TRDN: variants seen among roughly 807,000 people sequenced by gnomAD.
The protein encoded by TRDN is triadin.
Under a neutral mutation model 149.7 loss-of-function variants are expected in TRDN, and 161 were observed. The ratio of observed to expected loss-of-function variants is 1.08; its 90% CI spans 0.95 to 1.23. TRDN has a LOEUF of 1.23. Among genes scored for constraint, TRDN ranks in the 50% most tolerant of loss-of-function variants. The pLI is 0.00. For missense variants in TRDN, 896 were observed against 823.5 expected (o/e 1.09, Z -1.08); for synonymous variants, 294 against 250.5 (o/e 1.17, Z -1.64).
chr6:123,542,884 G>GTGTGTCTGTCTGTC (rs1554255643), intron 4 of TRDN, among the ~76,000 whole-genome samples: 1 of 148,878 alleles, frequency 6.7e-6, no homozygotes, highest in African/African-American at 2.6e-5. Context: ...GTGTGTGTGT[G>GTGTGTCTGTCTGTC]TGTCTGTCTG....
intron 14 of TRDN, among the ~76,000 whole-genome samples, chr6:123,386,678 C>T (rs778793866): frequency 7.2e-5 from 11 of 152,302 alleles, no homozygotes; most frequent in Admixed American, 5.9e-4. Context: ...CTCCTGATTC[C>T]GCCTAAAGCT....
At chr6:123,618,115 A>G (rs1230138229) in intron 1 of TRDN, among the ~76,000 whole-genome samples, 1 of 152,172 alleles carries the variant, frequency 6.6e-6, no homozygotes, top group African/African-American at 2.4e-5. Flanking sequence ...TGAGTAAGAG[A>G]GAGTTATAGT....
chr6:123,254,312 G>T (rs555392873), intron 37 of TRDN, among the ~76,000 whole-genome samples: 1 of 151,790 alleles, frequency 6.6e-6, no homozygotes, highest in Non-Finnish European at 1.5e-5. Context: ...ATAATTTTAC[G>T]TGTGAAAGGT....
intron 7 of TRDN, among the ~76,000 whole-genome samples, chr6:123,505,768 C>T (rs1404941325): frequency 1.3e-5 from 2 of 150,980 alleles, no homozygotes; most frequent in Non-Finnish European, 2.9e-5. Context: ...GGCACGATCT[C>T]GGCTCACTGC....
chr6:123,545,136 A>G (rs1210793098), intron 4 of TRDN, among the ~76,000 whole-genome samples: 2 of 152,026 alleles, frequency 1.3e-5, no homozygotes, highest in Non-Finnish European at 2.9e-5. Flanking sequence ...ACTAAATATT[A>G]TTGAATATAT....
Position 123,570,964 on chromosome 6 carries a change from G to A in TRDN, c.191C>T (p.Ala64Val). The part of the protein sequence containing the change: ...IALIITWSAV[A>V]IVMFDLVDYK... ...ATCCACTAAATCAAACATAACGATG[G>A]CAACAGCTGACCACGTGATTATCAG... The change falls in exon 2 of 41, where the codon GCC (alanine) becomes GTC (valine). Residue 64 changes from alanine to valine, a missense_variant. By Grantham distance (64) the Ala-to-Val change is moderately conservative. Transcript: ENST00000334268. 2 of 1,613,920 alleles carry A rather than the reference G, an allele frequency of 1.2e-6. No individual in the cohort carries two copies. Among genetic ancestry groups the A allele is most frequent in the South Asian group, 2.2e-5 (2 of 91,080 alleles).
At chr6:123,543,251 T>C (rs1780941164) in intron 4 of TRDN, among the ~76,000 whole-genome samples, 1 of 152,178 alleles carries the variant, frequency 6.6e-6, no homozygotes, top group South Asian at 2.1e-4. Flanking sequence ...CAATACCACA[T>C]CAAAACTCCA....
chr6:123,467,859 T>C (rs568073030), intron 9 of TRDN, among the ~76,000 whole-genome samples: 1 of 152,258 alleles, frequency 6.6e-6, no homozygotes, highest in East Asian at 1.9e-4. Flanking sequence ...ATCAGAGTTG[T>C]TTAGTATAAA....
At chr6:123,406,298 C>T (rs1256682609) in intron 12 of TRDN, among the ~76,000 whole-genome samples, 1 of 152,124 alleles carries the variant, frequency 6.6e-6, no homozygotes, top group Non-Finnish European at 1.5e-5. Flanking sequence ...TCACTCTACA[C>T]TATTATTTGA....
At chr6:123,274,337 A>C (rs1479639803) in intron 27 of TRDN, among the ~76,000 whole-genome samples, 1 of 152,140 alleles carries the variant, frequency 6.6e-6, no homozygotes, top group Non-Finnish European at 1.5e-5. Context: ...AATTATGAAA[A>C]TAAAGCCATA....
intron 21 of TRDN, chr6:123,349,529 A>G: frequency 1.1e-6 from 1 of 894,510 alleles, no homozygotes; most frequent in South Asian, 5.2e-5. Flanking sequence ...GACTTAGTCA[A>G]CATATGCAAA....
chr6:123,267,611 A>G, intron 32 of TRDN, 96 bp downstream of exon 32: 3 of 804,584 alleles, frequency 3.7e-6, no homozygotes, highest in Non-Finnish European at 5.6e-6. Flanking sequence ...TTACCAGGAA[A>G]CACAGTGAAA....
intron 21 of TRDN, among the ~76,000 whole-genome samples, chr6:123,348,441 A>G (rs1040170758): frequency 6.6e-6 from 1 of 152,160 alleles, no homozygotes; most frequent in Non-Finnish European, 1.5e-5. Flanking sequence ...CTTAAATTTC[A>G]TTAATTTGGT....
At chr6:123,547,197 T>A in intron 4 of TRDN, 143 bp downstream of exon 4, 1 of 518,098 alleles carries the variant, frequency 1.9e-6, no homozygotes, top group South Asian at 3.1e-5. Context: ...AGAAATTGAG[T>A]ATTTTTTTTC....
At chr6:123,335,356 T>C (rs560133140) in intron 22 of TRDN, among the ~76,000 whole-genome samples, 1 of 151,930 alleles carries the variant, frequency 6.6e-6, no homozygotes, top group East Asian at 2.0e-4. Context: ...GTAGATAATT[T>C]TACATTGAGC....
intron 7 of TRDN, among the ~76,000 whole-genome samples, chr6:123,507,040 A>T (rs986904520): frequency 6.6e-6 from 1 of 152,126 alleles, no homozygotes; most frequent in South Asian, 2.1e-4. Context: ...CTGGATTAGC[A>T]ATTTTGATGG....
chr6:123,632,703 C>A (rs79755942), intron 1 of TRDN, among the ~76,000 whole-genome samples: 4,228 of 152,096 alleles, frequency 0.028, 210 homozygotes, highest in African/African-American at 0.096. Flanking sequence ...GTACCCCCAG[C>A]TCATCCCCGC....
chr6:123,529,196 C>T (rs760171552), intron 5 of TRDN: 167 of 1,547,446 alleles, frequency 1.1e-4, no homozygotes, highest in Non-Finnish European at 1.3e-4. Flanking sequence ...GGTGTGGAAC[C>T]AGTTGAGTTT....
At chr6:123,357,279 G>T (rs980598437) in intron 20 of TRDN, among the ~76,000 whole-genome samples, 5 of 151,892 alleles carry the variant, frequency 3.3e-5, no homozygotes, top group African/African-American at 9.7e-5. Context: ...CTTGACAAAA[G>T]ATATGTCTTG....
Sources: gnomAD v4.1 joint callset for allele counts (sites outside exome capture counted in the v4.1 genomes callset) on GRCh38, gnomAD v4.1.1 for gene constraint, MANE v1.5 for transcripts, NCBI Gene and HGNC (gene_info 2026-07-23, HGNC 2026-07-21) for gene names.